Variants in DNAJC7 observed in about 807,000 individuals in gnomAD.
DNAJC7 encodes the protein DnaJ heat shock protein family (Hsp40) member C7.
In DNAJC7, 18 loss-of-function variants were observed where a neutral mutation model predicts 67.4. The observed-to-expected ratio is 0.27, with a 90% confidence interval of 0.18 to 0.40. The LOEUF (loss-of-function observed/expected upper bound fraction) is 0.40, where lower values mean the gene tolerates loss of function less well. Ranked by LOEUF, DNAJC7 falls within the 10% of genes least tolerant of loss-of-function variation. The probability of loss-of-function intolerance (pLI) is 1.00; values close to 1 mark genes in which losing one functional copy is unlikely to be tolerated. For missense variants in DNAJC7, 419 were observed against 613.8 expected (o/e 0.68, Z 3.35); for synonymous variants, 220 against 207.8 (o/e 1.06, Z -0.50).
rs1555652091 is a variant in DNAJC7, at chr17:42,017,257, G to A, written c.77+83C>T. ...AGGGCGGGGCATCGCCTCAACAGCTGGGGGCTGCATCATGGCAGGAACGAG... is the reference window on the plus strand; with the variant it reads ...AGGGCGGGGCATCGCCTCAACAGCTAGGGGCTGCATCATGGCAGGAACGAG... On this transcript the variant is annotated intron_variant, in intron 1 of 13. Coordinates refer to ENST00000457167, the MANE Select transcript of DNAJC7 (RefSeq NM_003315.4). The A allele has an allele frequency of 4.4e-6, 7 of 1,603,304 alleles. No individual in the cohort carries two copies. In the Admixed American group the frequency reaches 8.3e-5, roughly 19 times the overall value.
intron 2 of DNAJC7, among the ~76,000 whole-genome samples, chr17:41,997,463 G>C (rs1394912301): frequency 6.6e-6 from 1 of 151,902 alleles, no homozygotes; most frequent in South Asian, 2.1e-4. Flanking sequence ...TGGGCGTGGT[G>C]GTGGGCCCCT....
At chr17:42,004,550 T>A (rs543255002) in intron 1 of DNAJC7, among the ~76,000 whole-genome samples, 17 of 152,258 alleles carry the variant, frequency 1.1e-4, no homozygotes, top group Non-Finnish European at 1.5e-4. Flanking sequence ...TCATTTTAAC[T>A]GACAGTAATA....
Position 42,017,351 on chromosome 17 carries a change from T to C in DNAJC7, c.66A>G (p.Gln22=). Residue 22 remains glutamine (Q), a synonymous_variant, in exon 1 of 14, where the codon CAA becomes CAG. Transcript: ENST00000457167. ...TGCTACCCGGTTACCTCTTCGCCTC[T>C]TGGTCGTCGAGCAGCTCCGGCTCGG... ...AATEPELLDD[Q]EAKREAETFK... is the part of the protein sequence containing the mutation. 2 of 1,611,768 alleles carry C rather than the reference T, an allele frequency of 1.2e-6. No individual in the cohort carries two copies. Among genetic ancestry groups the C allele is most frequent in the South Asian group, 2.2e-5 (2 of 91,088 alleles).
chr17:42,000,151 C>T (rs566311328), intron 2 of DNAJC7, among the ~76,000 whole-genome samples: 1 of 145,512 alleles, frequency 6.9e-6, no homozygotes, highest in Non-Finnish European at 1.5e-5. Flanking sequence ...TGAAGTCTTG[C>T]TTTGTTGCCC....
intron 9 of DNAJC7, chr17:41,985,044 G>C (rs556218270): frequency 6.6e-6 from 1 of 152,242 alleles, no homozygotes; most frequent in East Asian, 1.9e-4. Context: ...GGCCAGGCTG[G>C]TCTCGATCTC....
chr17:41,995,791 G>A (rs1555648524), intron 4 of DNAJC7, among the ~76,000 whole-genome samples: 5 of 152,192 alleles, frequency 3.3e-5, no homozygotes, highest in Non-Finnish European at 7.3e-5. Flanking sequence ...ATTTAATCAA[G>A]GCTTGAATTT....
At chr17:42,005,703 T>G (rs1400626822) in intron 1 of DNAJC7, among the ~76,000 whole-genome samples, 1 of 152,148 alleles carries the variant, frequency 6.6e-6, no homozygotes, top group Non-Finnish European at 1.5e-5. Context: ...GATCCAAATT[T>G]TATATGACAA....
chr17:42,012,956 CCTG>C (rs1234683212), intron 1 of DNAJC7: 2 of 152,076 alleles, frequency 1.3e-5, no homozygotes, highest in Non-Finnish European at 2.9e-5. Flanking sequence ...ACCATCACAC[CCTG>C]CTAATTTTTG....
intron 1 of DNAJC7, chr17:42,016,055 G>A (rs2052273082): frequency 6.6e-6 from 1 of 152,118 alleles, no homozygotes; most frequent in Non-Finnish European, 1.5e-5. Context: ...GGAAGAAGTA[G>A]GAACAACATG....
chr17:42,000,387 G>A, intron 2 of DNAJC7, 95 bp downstream of exon 2: 1 of 921,530 alleles, frequency 1.1e-6, no homozygotes, highest in East Asian at 2.6e-5. Context: ...CCAAAGTGCT[G>A]GGATTACAGG....
intron 8 of DNAJC7, 46 bp downstream of exon 8, chr17:41,988,686 C>G: frequency 6.5e-7 from 1 of 1,542,488 alleles, no homozygotes; most frequent in South Asian, 1.3e-5. Flanking sequence ...TTTGATGTCC[C>G]TTAAAAATAT....
chr17:41,994,059 C>T (rs868951141), intron 5 of DNAJC7, among the ~76,000 whole-genome samples: 65 of 149,292 alleles, frequency 4.4e-4, no homozygotes, highest in Middle Eastern at 7.1e-3. Context: ...AAAAAAAGGC[C>T]TGGCGCGGTG....
chr17:42,009,321 A>G (rs913633020), intron 1 of DNAJC7, among the ~76,000 whole-genome samples: 3 of 152,196 alleles, frequency 2.0e-5, no homozygotes, highest in Non-Finnish European at 4.4e-5. Context: ...CAGAGTCAGA[A>G]GGGACCCAAA....
At chr17:42,005,801 C>A (rs574948360) in intron 1 of DNAJC7, among the ~76,000 whole-genome samples, 3 of 152,112 alleles carry the variant, frequency 2.0e-5, no homozygotes, top group East Asian at 1.9e-4. Flanking sequence ...AGTGCAGTGG[C>A]GCAATCTTGG....
intron 12 of DNAJC7, among the ~76,000 whole-genome samples, chr17:41,977,956 TAAC>T (rs1361271631): frequency 1.3e-5 from 2 of 152,126 alleles, no homozygotes; most frequent in East Asian, 1.9e-4. Context: ...CCTGTCTTAA[TAAC>T]AACAACAAAC....
At chr17:41,996,481 C>T (rs2143237107) in intron 3 of DNAJC7, 57 bp from the exon 4 acceptor site, 2 of 1,479,860 alleles carry the variant, frequency 1.4e-6, no homozygotes. Context: ...GGAAAGAAAT[C>T]AACAGCAGCA....
rs781789611 is a variant in DNAJC7, at chr17:41,983,654, G to C, written c.1011-18C>G. ...CCATGTAACTGAGAAGGAAATACAA[G>C]GCAATACAGCACTAAGACATAAATA... On this transcript the variant is annotated intron_variant, in intron 9 of 13. Coordinates refer to ENST00000457167, the MANE Select transcript of DNAJC7 (RefSeq NM_003315.4). 1.9e-6 allele frequency: 3 copies of C among 1,592,490 alleles called. No homozygotes were observed. The highest frequency in any genetic ancestry group is 3.6e-5 in the Admixed American group (2 of 56,148).
At chr17:41,996,469 G>A (rs1245446690) in intron 3 of DNAJC7, 45 bp from the exon 4 acceptor site, 2 of 1,570,598 alleles carry the variant, frequency 1.3e-6, no homozygotes, top group Non-Finnish European at 1.7e-6. Flanking sequence ...GATTGGCCAA[G>A]TGGAAAGAAA....
rs782705520 is a variant in DNAJC7, at chr17:41,997,144, A to C, written c.262T>G (p.Ser88Ala). The C allele has an allele frequency of 1.1e-5, 17 of 1,613,832 alleles. No homozygotes were observed. The African/African-American group carries it at 2.1e-4, about 20-fold the overall frequency. The change falls in exon 3 of 14, where the codon TCA becomes GCA. Residue 88 changes from serine (S) to alanine (A), a missense_variant. By Grantham distance (99) the Ser-to-Ala change is moderately conservative (BLOSUM62 1). This residue lies in a region of DNAJC7 where 179 missense variants were observed against 249.7 expected (regional missense o/e 0.72). Transcript: ENST00000457167. ...ACAAAACTGTCATCCAACCTCACTG[A>C]CTGTTGTGCATCTCCAAGAGCTTCC... ...FREALGDAQQ[S>A]VRLDDSFVRG...
Sources: gnomAD v4.1 joint callset for allele counts (sites outside exome capture counted in the v4.1 genomes callset) on GRCh38, gnomAD v4.1.1 for gene constraint, gnomAD v4.1.1 regional missense constraint, MANE v1.5 for transcripts, NCBI Gene and HGNC (gene_info 2026-07-23, HGNC 2026-07-21) for gene names.